Variants in KCNT2 observed in about 807,000 individuals in gnomAD.
The protein encoded by KCNT2 is potassium sodium-activated channel subfamily T member 2.
In KCNT2, 67 loss-of-function variants were observed where a neutral mutation model predicts 153.8. That is an observed-to-expected ratio of 0.44 (90% CI 0.36 to 0.53). The LOEUF is 0.53. KCNT2 is among the 20% of genes least tolerant of loss of function. KCNT2 has a pLI of 0.00. For synonymous variants in KCNT2, 500 were observed against 458.8 expected, an observed-to-expected ratio of 1.09 and a Z score of -1.15; for missense variants, 975 against 1,354.8, an observed-to-expected ratio of 0.72 and a Z score of 4.40.
chr1:196,467,679 T>C (rs1165932582), intron 7 of KCNT2, 24 bp downstream of exon 7: 2 of 1,417,742 alleles, frequency 1.4e-6, no homozygotes, highest in Non-Finnish European at 2.0e-6. Context: ...TATTTTCATA[T>C]TTGCACTTTA....
At chr1:196,537,061 C>T (rs1256523238) in intron 1 of KCNT2, among the ~76,000 whole-genome samples, 1 of 152,200 alleles carries the variant, frequency 6.6e-6, no homozygotes, top group Non-Finnish European at 1.5e-5. Flanking sequence ...TGGATACATG[C>T]ACATCCAGTT....
At chr1:196,582,317 A>T (rs1199763555) in intron 1 of KCNT2, 1 of 152,304 alleles carries the variant, frequency 6.6e-6, no homozygotes, top group Non-Finnish European at 1.5e-5. Flanking sequence ...CATGTAAAGT[A>T]CTTGGAAGAA....
chr1:196,413,529 T>A (rs943425955), intron 12 of KCNT2, among the ~76,000 whole-genome samples: 2 of 151,706 alleles, frequency 1.3e-5, no homozygotes, highest in Non-Finnish European at 3.0e-5. Flanking sequence ...ATAACTAGCA[T>A]TATGATATTA....
intron 13 of KCNT2, among the ~76,000 whole-genome samples, chr1:196,398,160 T>C (rs1330569641): frequency 6.6e-6 from 1 of 151,486 alleles, no homozygotes; most frequent in African/African-American, 2.4e-5. Flanking sequence ...GTCTATTGCA[T>C]GGTAAGCCTA....
intron 17 of KCNT2, among the ~76,000 whole-genome samples, chr1:196,332,861 T>C (rs1664601787): frequency 6.6e-6 from 1 of 151,530 alleles, no homozygotes; most frequent in African/African-American, 2.4e-5. Context: ...CTTAGCTTAC[T>C]GCAACCTCCA....
At chr1:196,444,276 A>C (rs1212022578) in intron 8 of KCNT2, among the ~76,000 whole-genome samples, 2 of 151,466 alleles carry the variant, frequency 1.3e-5, no homozygotes, top group Non-Finnish European at 3.0e-5. Flanking sequence ...TCTGAAGCTC[A>C]CTGTGATATC....
intron 14 of KCNT2, among the ~76,000 whole-genome samples, chr1:196,370,848 T>C (rs1364310879): frequency 6.6e-6 from 1 of 152,074 alleles, no homozygotes; most frequent in Non-Finnish European, 1.5e-5. Context: ...ATCCATGCAA[T>C]GGAATATTAT....
intron 8 of KCNT2, among the ~76,000 whole-genome samples, chr1:196,460,117 G>T (rs1307805466): frequency 2.6e-5 from 4 of 151,610 alleles, no homozygotes; most frequent in Non-Finnish European, 5.9e-5. Context: ...TAAATTTGGG[G>T]GTTATATGGA....
chr1:196,566,020 A>G (rs1014578161), intron 1 of KCNT2, among the ~76,000 whole-genome samples: 1 of 151,962 alleles, frequency 6.6e-6, no homozygotes, highest in African/African-American at 2.4e-5. Flanking sequence ...TATGCTAATT[A>G]GCTGTATTTA....
intron 1 of KCNT2, among the ~76,000 whole-genome samples, chr1:196,571,302 C>T (rs1660751384): frequency 6.6e-6 from 1 of 152,016 alleles, no homozygotes; most frequent in South Asian, 2.1e-4. Context: ...CAGCATGAGA[C>T]AAGAACTGAA....
chr1:196,423,438 T>C (rs993988875), intron 11 of KCNT2, among the ~76,000 whole-genome samples: 5 of 150,148 alleles, frequency 3.3e-5, no homozygotes, highest in African/African-American at 1.3e-4. Flanking sequence ...TGGTCTTTAT[T>C]TTATGATTAA....
intron 8 of KCNT2, among the ~76,000 whole-genome samples, chr1:196,434,839 C>T (rs942157328): frequency 1.3e-5 from 2 of 151,552 alleles, no homozygotes; most frequent in South Asian, 2.1e-4. Flanking sequence ...CCTGAGACCA[C>T]CACACTGTGA....
intron 1 of KCNT2, among the ~76,000 whole-genome samples, chr1:196,522,435 G>A (rs1481949598): frequency 6.6e-6 from 1 of 152,148 alleles, no homozygotes; most frequent in Non-Finnish European, 1.5e-5. Flanking sequence ...AAAATCTGTG[G>A]AAAATAAGTC....
intron 3 of KCNT2, among the ~76,000 whole-genome samples, chr1:196,488,385 T>C (rs1679599120): frequency 6.6e-6 from 1 of 152,006 alleles, no homozygotes; most frequent in Non-Finnish European, 1.5e-5. Flanking sequence ...TTTTAATTAC[T>C]GTAATCTGAT....
At chr1:196,276,664 G>A (rs111609558) in intron 25 of KCNT2, among the ~76,000 whole-genome samples, 7,522 of 151,904 alleles carry the variant, frequency 0.05, 279 homozygotes, top group Non-Finnish European at 0.071. Context: ...TTAGACAGCA[G>A]ACTTGGGAAG....
At chr1:196,381,036 T>A (rs1482370772) in intron 13 of KCNT2, among the ~76,000 whole-genome samples, 1 of 152,244 alleles carries the variant, frequency 6.6e-6, no homozygotes, top group African/African-American at 2.4e-5. Flanking sequence ...ACTATAAGAA[T>A]GCTTATTAAA....
At position 196,340,381 on chromosome 1, in the gene KCNT2, T is replaced by C. The variant is rs769252605; in HGVS notation, c.1743A>G (p.Gly581=). 7 of 1,612,232 alleles carry C rather than the reference T, an allele frequency of 4.3e-6. No homozygotes were observed. The highest frequency in any genetic ancestry group is 4.0e-5 in the African/African-American group (3 of 74,840). ...KSNVSRSFYH[G]PSRLPVHSII... ...TGCTATGTACAGGTAATCTGGAAGGTCCATGATAAAACGACCTGGACACAT... is the reference window on the plus strand; with the variant it reads ...TGCTATGTACAGGTAATCTGGAAGGCCCATGATAAAACGACCTGGACACAT... The change falls in exon 16 of 28, where the codon GGA becomes GGG. Residue 581 remains glycine (G), a synonymous_variant. Transcript: ENST00000294725.
At chr1:196,276,914 C>G (rs1658626669) in intron 25 of KCNT2, among the ~76,000 whole-genome samples, 1 of 152,066 alleles carries the variant, frequency 6.6e-6, no homozygotes, top group African/African-American at 2.4e-5. Context: ...CCCCTCCTTT[C>G]CTTCAGTGTT....
Position 196,282,274 on chromosome 1 carries a change from G to C in KCNT2, c.2780C>G (p.Ser927Cys), listed in dbSNP as rs888895989. 5.1e-6 allele frequency: 8 copies of C among 1,555,910 alleles called. No individual in the cohort carries two copies. Among genetic ancestry groups the C allele is most frequent in the Non-Finnish European group, 7.1e-6 (8 of 1,128,840 alleles). Residue 927 changes from serine (S) to cysteine (C), a missense_variant and splice_region_variant, in exon 24 of 28, where the codon TCT becomes TGT. By Grantham distance (112) the Ser-to-Cys change is moderately radical (BLOSUM62 -1). Transcript: ENST00000294725. ...TTATTCTAGAGATTATTAACTTACA[G>C]AACAAAGAAACCCAGATCCTGGTGT... ...DTTPGSGFLC[S>C]MKITADDLWI...
Sources: allele counts gnomAD v4.1 joint callset (sites outside exome capture counted in the v4.1 genomes callset), GRCh38; gene constraint gnomAD v4.1.1; transcripts MANE v1.5; gene names NCBI Gene and HGNC (gene_info 2026-07-23, HGNC 2026-07-21).